Variants in STXBP5 observed in about 807,000 individuals in gnomAD.
STXBP5 encodes the protein syntaxin-binding protein 5.
Under a neutral mutation model 152.4 loss-of-function variants are expected in STXBP5, and 50 were observed. The ratio of observed to expected loss-of-function variants is 0.33; its 90% CI spans 0.26 to 0.42. The LOEUF is 0.42. STXBP5 is among the 10% of genes least tolerant of loss of function. The pLI, the probability that STXBP5 is intolerant of heterozygous loss-of-function variation, is 1.00. For missense variants in STXBP5, 1,167 were observed against 1,388.6 expected, an observed-to-expected ratio of 0.84 and a Z score of 2.54; for synonymous variants, 492 against 494.7, an observed-to-expected ratio of 0.99 and a Z score of 0.07.
intron 23 of STXBP5, among the ~76,000 whole-genome samples, chr6:147,361,637 AC>A (rs1167771782): frequency 6.6e-6 from 1 of 152,146 alleles, no homozygotes; most frequent in African/African-American, 2.4e-5. Context: ...CCACGAATCT[AC>A]TAGGAAACAT....
chr6:147,316,828 G>A (rs914864823), intron 16 of STXBP5, among the ~76,000 whole-genome samples: 2 of 151,758 alleles, frequency 1.3e-5, no homozygotes, highest in African/African-American at 2.4e-5. Flanking sequence ...ATCTTCACTA[G>A]CACCACCGTA....
chr6:147,291,222 A>G, intron 9 of STXBP5, 50 bp downstream of exon 9: 9 of 1,426,024 alleles, frequency 6.3e-6, no homozygotes, highest in East Asian at 2.3e-5. Context: ...GTCCTCAAAT[A>G]GCATGGAAGG....
chr6:147,279,359 T>C (rs1780593617), intron 8 of STXBP5, among the ~76,000 whole-genome samples: 1 of 152,210 alleles, frequency 6.6e-6, no homozygotes, highest in Non-Finnish European at 1.5e-5. Context: ...AACTGTTCTA[T>C]AAATTGATAG....
chr6:147,224,309 C>A (rs958675620), intron 2 of STXBP5, among the ~76,000 whole-genome samples: 3 of 152,142 alleles, frequency 2.0e-5, no homozygotes, highest in Admixed American at 6.5e-5. Flanking sequence ...GCCTGTAATC[C>A]CAGCTACTGG....
intron 4 of STXBP5, among the ~76,000 whole-genome samples, chr6:147,251,025 C>T (rs1779061316): frequency 6.8e-6 from 1 of 146,204 alleles, no homozygotes; most frequent in African/African-American, 2.5e-5. Flanking sequence ...CAGCTCCAAT[C>T]TGCAGCTCCC....
chr6:147,228,147 G>T (rs899482694), intron 2 of STXBP5, among the ~76,000 whole-genome samples: 2 of 151,606 alleles, frequency 1.3e-5, no homozygotes, highest in African/African-American at 4.8e-5. Flanking sequence ...GCCTTGTTTT[G>T]TGTGTGTGTG....
chr6:147,288,386 G>A (rs1345193490), intron 8 of STXBP5, among the ~76,000 whole-genome samples: 1 of 152,088 alleles, frequency 6.6e-6, no homozygotes, highest in East Asian at 1.9e-4. Flanking sequence ...TTCATGGCTA[G>A]CCTACCACTG....
At chr6:147,266,951 A>T (rs745939763) in intron 6 of STXBP5, 133 bp from the exon 7 acceptor site, 3 of 726,726 alleles carry the variant, frequency 4.1e-6, no homozygotes, top group African/African-American at 1.8e-5. Context: ...CTAATTAGCA[A>T]TGCAGATGTT....
At chr6:147,255,313 A>G (rs1248338453) in intron 4 of STXBP5, among the ~76,000 whole-genome samples, 4 of 152,168 alleles carry the variant, frequency 2.6e-5, no homozygotes, top group African/African-American at 7.2e-5. Context: ...TCGGAGGGTG[A>G]GAGGCTAGGG....
chr6:147,318,998 A>G (rs1782779439), intron 16 of STXBP5, among the ~76,000 whole-genome samples: 2 of 152,150 alleles, frequency 1.3e-5, no homozygotes. Flanking sequence ...TCTTAACACC[A>G]CCTCAGAACT....
At chr6:147,300,290 A>G (rs1352810791) in intron 9 of STXBP5, among the ~76,000 whole-genome samples, 2 of 152,124 alleles carry the variant, frequency 1.3e-5, no homozygotes, top group Non-Finnish European at 1.5e-5. Flanking sequence ...TGACAAAAAT[A>G]GGAAACTTTC....
At chr6:147,375,930 G>A (rs958860643) in intron 26 of STXBP5, among the ~76,000 whole-genome samples, 5 of 151,786 alleles carry the variant, frequency 3.3e-5, no homozygotes, top group Admixed American at 6.6e-5. Flanking sequence ...AATTCTATAC[G>A]CAAAAATTCT....
Position 147,386,315 on chromosome 6 carries a change from G to T in STXBP5, c.*1560G>T, listed in dbSNP as rs928939966. 1.3e-5 allele frequency: 2 copies of T among 151,660 alleles called. No homozygotes were observed. The highest frequency in any genetic ancestry group is 3.0e-5 in the Non-Finnish European group (2 of 67,788). 9.4% of individuals were successfully genotyped at this position (151,660 alleles called of 1,614,324 possible). A position where few individuals can be genotyped will look rare whatever the true frequency, so the allele number is the denominator to read the frequency against. On this transcript the variant is annotated 3_prime_UTR_variant, in exon 28 of 28. Transcript: ENST00000321680. ...CAGAGCACAAATTGATAGTAAACAGGATGGTTGTTTTTCTATTCTATATGA... is the reference window on the plus strand; with the variant it reads ...CAGAGCACAAATTGATAGTAAACAGTATGGTTGTTTTTCTATTCTATATGA...
chr6:147,242,604 G>A (rs190190022), intron 4 of STXBP5, among the ~76,000 whole-genome samples: 5 of 152,190 alleles, frequency 3.3e-5, no homozygotes, highest in Non-Finnish European at 7.4e-5. Context: ...TTTATGTTTA[G>A]ATACACAGAT....
intron 2 of STXBP5, among the ~76,000 whole-genome samples, chr6:147,207,429 G>T (rs1776624109): frequency 6.6e-6 from 1 of 152,156 alleles, no homozygotes; most frequent in South Asian, 2.1e-4. Flanking sequence ...TAATTTCTGA[G>T]ACGGTGTGTC....
chr6:147,359,935 C>CA (rs1784989884), intron 23 of STXBP5, among the ~76,000 whole-genome samples: 1 of 151,846 alleles, frequency 6.6e-6, no homozygotes, highest in South Asian at 2.1e-4. Context: ...ACAATGAACT[C>CA]AAACAAATTT....
intron 26 of STXBP5, among the ~76,000 whole-genome samples, chr6:147,381,452 G>A (rs1279434920): frequency 6.6e-6 from 1 of 152,058 alleles, no homozygotes; most frequent in Non-Finnish European, 1.5e-5. Context: ...TAAAATGGGT[G>A]CACCCTCTTT....
At chr6:147,216,291 C>G (rs532875823) in intron 2 of STXBP5, among the ~76,000 whole-genome samples, 1 of 152,212 alleles carries the variant, frequency 6.6e-6, no homozygotes, top group East Asian at 1.9e-4. Context: ...ACTTGGGAGG[C>G]TGTGGCAGGA....
intron 2 of STXBP5, among the ~76,000 whole-genome samples, chr6:147,214,525 T>C (rs770966918): frequency 3.9e-5 from 6 of 152,224 alleles, no homozygotes; most frequent in African/African-American, 1.4e-4. Context: ...AATAAACTTT[T>C]CTCTGTTTAA....
Sources: gnomAD v4.1 joint callset for allele counts (sites outside exome capture counted in the v4.1 genomes callset) on GRCh38, gnomAD v4.1.1 for gene constraint, MANE v1.5 for transcripts, NCBI Gene and HGNC (gene_info 2026-07-23, HGNC 2026-07-21) for gene names.